The following RNF150 variants were observed in gnomAD, a reference collection of about 807,000 sequenced individuals.
RNF150 encodes the protein ring finger protein 150.
RNF150 carries 24 observed loss-of-function variants against 39.3 expected under a neutral mutation model. The observed-to-expected ratio is 0.61, with a 90% CI of 0.44 to 0.86. The LOEUF (loss-of-function observed/expected upper bound fraction) is 0.86. Among genes scored for constraint, RNF150 ranks in the 40% least tolerant of loss-of-function variants. RNF150 has a pLI of 0.00. For synonymous variants in RNF150, 255 were observed against 227.3 expected (o/e 1.12, Z -1.10); for missense variants, 502 against 587.8 (o/e 0.85, Z 1.51).
chr4:141,053,630 C>T, intron 1 of RNF150: 3 of 1,075,426 alleles, frequency 2.8e-6, no homozygotes, highest in Non-Finnish European at 3.6e-6. Flanking sequence ...AGTCATTAAA[C>T]TGAGTGAAGC....
chr4:141,006,690 C>T (rs892890532), intron 1 of RNF150, among the ~76,000 whole-genome samples: 2 of 152,152 alleles, frequency 1.3e-5, no homozygotes, highest in African/African-American at 4.8e-5. Flanking sequence ...CCACCTGTGA[C>T]GTTCATTCAT....
chr4:141,209,701 C>T (rs907418352), intron 1 of RNF150, among the ~76,000 whole-genome samples: 1 of 151,946 alleles, frequency 6.6e-6, no homozygotes, highest in Admixed American at 6.6e-5. Context: ...ATAGTTAAAA[C>T]CAAATCTCTT....
chr4:140,879,972 A>T (rs12509724), intron 6 of RNF150, among the ~76,000 whole-genome samples: 26,378 of 152,046 alleles, frequency 0.17, 2,714 homozygotes, highest in East Asian at 0.38. Context: ...TCCTTTCCAA[A>T]TTGGATGCTT....
intron 1 of RNF150, 66 bp from the exon 2 acceptor site, chr4:140,967,939 G>T: frequency 7.0e-7 from 1 of 1,432,284 alleles, no homozygotes; most frequent in Non-Finnish European, 9.7e-7. Context: ...ATCCCAGTGA[G>T]ATGTGTGGAC....
At chr4:141,113,547 T>G (rs535321825) in intron 1 of RNF150, among the ~76,000 whole-genome samples, 1 of 152,238 alleles carries the variant, frequency 6.6e-6, no homozygotes, top group East Asian at 1.9e-4. Flanking sequence ...CAAAGAGACT[T>G]AGACTCCCAC....
intron 1 of RNF150, among the ~76,000 whole-genome samples, chr4:141,178,897 C>T (rs1727860348): frequency 7.0e-6 from 1 of 143,874 alleles, no homozygotes; most frequent in South Asian, 2.1e-4. Flanking sequence ...ACCTAGAATG[C>T]TGGCTCTTCA....
chr4:141,000,017 GAA>G (rs1350248472), intron 1 of RNF150, among the ~76,000 whole-genome samples: 1 of 33,552 alleles, frequency 3.0e-5, no homozygotes, highest in Non-Finnish European at 7.1e-5. Context: ...AGAAGAAGAA[GAA>G]GAAGAAGAAG....
At chr4:140,918,697 C>T (rs1730960847) in intron 5 of RNF150, among the ~76,000 whole-genome samples, 2 of 147,624 alleles carry the variant, frequency 1.4e-5, no homozygotes, top group Non-Finnish European at 3.0e-5. Context: ...AGGCCAGCAT[C>T]ATCCTGATAC....
At chr4:141,047,548 T>C (rs1356626794) in intron 1 of RNF150, among the ~76,000 whole-genome samples, 1 of 152,188 alleles carries the variant, frequency 6.6e-6, no homozygotes, top group African/African-American at 2.4e-5. Flanking sequence ...TCATTTTACC[T>C]TGAAAAACAG....
intron 1 of RNF150, among the ~76,000 whole-genome samples, chr4:141,112,062 T>C (rs1739401149): frequency 6.6e-6 from 1 of 152,132 alleles, no homozygotes; most frequent in Non-Finnish European, 1.5e-5. Flanking sequence ...CTGTCTAAAT[T>C]CTCTGAGAAC....
chr4:140,884,579 C>A (rs950252199), intron 6 of RNF150, among the ~76,000 whole-genome samples: 1 of 152,178 alleles, frequency 6.6e-6, no homozygotes, highest in African/African-American at 2.4e-5. Flanking sequence ...TCCCCAGTGT[C>A]TGCATCACTG....
At chr4:140,960,933 C>T (rs10013177) in intron 2 of RNF150, among the ~76,000 whole-genome samples, 6,804 of 152,170 alleles carry the variant, frequency 0.045, 524 homozygotes, top group African/African-American at 0.15. Flanking sequence ...TCATTCAACC[C>T]TCACATCAAG....
chr4:141,131,130 G>C (rs1045156666), intron 1 of RNF150, among the ~76,000 whole-genome samples: 5 of 152,214 alleles, frequency 3.3e-5, no homozygotes, highest in African/African-American at 1.2e-4. Flanking sequence ...TAGGTGACAT[G>C]AGCTCTCGGA....
At chr4:141,060,833 T>C (rs1034895249) in intron 1 of RNF150, among the ~76,000 whole-genome samples, 9 of 152,266 alleles carry the variant, frequency 5.9e-5, no homozygotes, top group African/African-American at 2.2e-4. Context: ...GTTCATGTCC[T>C]TTGCAGGGAC....
intron 1 of RNF150, among the ~76,000 whole-genome samples, chr4:141,014,404 T>G (rs1277860433): frequency 6.6e-6 from 1 of 152,220 alleles, no homozygotes; most frequent in East Asian, 1.9e-4. Flanking sequence ...TTTAGTTTTT[T>G]GAGGAACCTC....
chr4:140,967,706 C>A lies in RNF150; in HGVS notation c.652G>T (p.Val218Phe). 1.9e-6 allele frequency: 3 copies of A among 1,613,510 alleles called. No homozygotes were observed. Among genetic ancestry groups the A allele is most frequent in the Non-Finnish European group, 2.5e-6 (3 of 1,179,620 alleles). Residue 218 changes from valine (V) to phenylalanine (F), a missense_variant, in exon 2 of 7, where the codon GTC (valine) becomes TTC (phenylalanine). Coordinates refer to ENST00000515673, the MANE Select transcript of RNF150 (RefSeq NM_020724.2). ...CATGCGAGGGAAATGATCATCAGGACAATGAAGGAGATGGAGACAAACACA... is the reference window on the plus strand; with the variant it reads ...CATGCGAGGGAAATGATCATCAGGAAAATGAAGGAGATGGAGACAAACACA... ...SVVFVSISFI[V>F]LMIISLAWLV...
intron 2 of RNF150, among the ~76,000 whole-genome samples, chr4:140,957,648 C>T (rs1382851851): frequency 1.3e-5 from 2 of 151,700 alleles, no homozygotes; most frequent in Non-Finnish European, 2.9e-5. Flanking sequence ...TTGGAACCAA[C>T]CCAAATGTCC....
At chr4:141,203,741 T>G in intron 1 of RNF150, among the ~76,000 whole-genome samples, 1 of 140,208 alleles carries the variant, frequency 7.1e-6, no homozygotes. Flanking sequence ...TAGAGAAAAG[T>G]CCCCCTGAGA....
chr4:141,123,725 T>C (rs999747098), intron 1 of RNF150, among the ~76,000 whole-genome samples: 11 of 152,088 alleles, frequency 7.2e-5, no homozygotes, highest in African/African-American at 2.7e-4. Flanking sequence ...CAACAGGCCC[T>C]GGTGTGTGGT....
Sources: gnomAD v4.1 joint callset for allele counts (sites outside exome capture counted in the v4.1 genomes callset) on GRCh38, gnomAD v4.1.1 for gene constraint, MANE v1.5 for transcripts, NCBI Gene and HGNC (gene_info 2026-07-23, HGNC 2026-07-21) for gene names.